NEB: variants seen among roughly 807,000 people sequenced by gnomAD.
The protein encoded by NEB is nebulin.
Under a neutral mutation model 952.2 loss-of-function variants are expected in NEB, and 512 were observed. The ratio of observed to expected loss-of-function variants is 0.54; its 90% CI spans 0.50 to 0.58. The LOEUF (loss-of-function observed/expected upper bound fraction) is 0.58, where lower values mean the gene tolerates loss of function less well. Ranked by LOEUF, NEB falls within the 20% of genes least tolerant of loss-of-function variation. The pLI is 0.00. For synonymous variants in NEB, 2,900 were observed against 3,149.8 expected, an observed-to-expected ratio of 0.92 and a Z score of 2.66; for missense variants, 8,428 against 9,231.1, an observed-to-expected ratio of 0.91 and a Z score of 3.56.
At chr2:151,529,772 C>T (rs1000145984) in intron 145 of NEB, among the ~76,000 whole-genome samples, 2 of 152,080 alleles carry the variant, frequency 1.3e-5, no homozygotes, top group African/African-American at 2.4e-5. Flanking sequence ...CAGGTGATCC[C>T]GCCCACCTCA....
chr2:151,616,486 TGAGAAGA>T (rs2098200139), intron 75 of NEB, among the ~76,000 whole-genome samples: 1 of 152,032 alleles, frequency 6.6e-6, no homozygotes, highest in Non-Finnish European at 1.5e-5. Flanking sequence ...GTCATGAGTT[TGAGAAGA>T]GACCAGCCTG....
chr2:151,581,953 T>C (rs2097115924), intron 102 of NEB, among the ~76,000 whole-genome samples: 1 of 150,310 alleles, frequency 6.7e-6, no homozygotes, highest in Admixed American at 6.6e-5. Flanking sequence ...TAATTTAAAA[T>C]GAGTCAGAAA....
At chr2:151,689,924 T>C (rs980593911) in intron 24 of NEB, 2 of 152,242 alleles carry the variant, frequency 1.3e-5, no homozygotes, top group African/African-American at 4.8e-5. Context: ...CATTAAAATA[T>C]ATTTTATAGT....
chr2:151,612,344 C>T lies in NEB; in HGVS notation c.11647G>A (p.Val3883Ile). The change falls in exon 78 of 182, where the codon GTT becomes ATT. Residue 3883 changes from valine to isoleucine, a missense_variant. Physicochemically the swap from Val to Ile is conservative, Grantham distance 29. This residue lies in a region of NEB where 337 missense variants were observed against 297.5 expected (regional missense o/e 1.13). Transcript: ENST00000397345. Reference sequence around the variant, plus strand: ...TCGACCTCTACAGAGCCAATGGGAACCCATCCTATGCCTCTCAGCCACTCA... The same window carrying T: ...TCGACCTCTACAGAGCCAATGGGAATCCATCCTATGCCTCTCAGCCACTCA... The part of the protein sequence containing the change: ...DLEWLRGIGW[V>I]PIGSVEVEKV... 6.2e-7 allele frequency: 1 copy of T among 1,613,860 alleles called. No homozygotes were observed. The highest frequency in any genetic ancestry group is 1.7e-4 in the Middle Eastern group (1 of 6,060).
At chr2:151,678,310 T>A in intron 32 of NEB, 123 bp from the exon 33 acceptor site, 1 of 612,560 alleles carries the variant, frequency 1.6e-6, no homozygotes, top group South Asian at 2.4e-5. Context: ...ACCAAACAAT[T>A]AACAATTCAC....
At chr2:151,626,050 A>C (rs191305748) in intron 70 of NEB, among the ~76,000 whole-genome samples, 1 of 151,794 alleles carries the variant, frequency 6.6e-6, no homozygotes, top group East Asian at 1.9e-4. Context: ...ATTAGCTGCA[A>C]ATGTACCTGT....
At chr2:151,540,539 G>T in intron 137 of NEB, 91 bp from the exon 138 acceptor site, 1 of 1,138,158 alleles carries the variant, frequency 8.8e-7, no homozygotes, top group Non-Finnish European at 1.3e-6. Context: ...GGGGCACAAT[G>T]TGTTACACAC....
At chr2:151,619,329 A>G (rs2098324529) in intron 73 of NEB, 122 bp downstream of exon 73, 2 of 1,120,314 alleles carry the variant, frequency 1.8e-6, no homozygotes, top group Non-Finnish European at 2.5e-6. Context: ...CTCCTTTCAG[A>G]CATTTAATTG....
intron 75 of NEB, 61 bp downstream of exon 75, chr2:151,617,303 A>T: frequency 8.7e-7 from 1 of 1,155,256 alleles, no homozygotes; most frequent in Non-Finnish European, 1.2e-6. Flanking sequence ...TTTCCTAAGG[A>T]AACAGCTACA....
At chr2:151,491,347 A>G (rs2056492963) in intron 179 of NEB, 1 of 216,238 alleles carries the variant, frequency 4.6e-6, no homozygotes, top group South Asian at 7.3e-5. Context: ...GGAAGTTCCT[A>G]CAGGTCAAAT....
Position 151,620,802 on chromosome 2 carries a change from G to A in NEB, c.10560+117C>T, listed in dbSNP as rs2098400485. On this transcript the variant is annotated intron_variant, in intron 72 of 181. Transcript: ENST00000397345. ...CAAGTTATCTGTATCTCAACCCTCA[G>A]TATATTTGCCTATGCACTGAAGGGA... 1.1e-5 allele frequency: 8 copies of A among 708,762 alleles called. No individual in the cohort carries two copies. The South Asian group carries it at 1.5e-4, about 14-fold the overall frequency. 43.9% of individuals were successfully genotyped at this position (708,762 alleles called of 1,614,324 possible).
At position 151,692,808 on chromosome 2, in the gene NEB, A is replaced by G. The variant is rs12997859; in HGVS notation, c.1897-446T>C. ...AATGTGGTAAAACCCCGTCTCTACT[A>G]AAAATACAAAAATTAGCCGGGCGTG... is the stretch of plus-strand genomic sequence containing the variant. On this transcript the variant is annotated intron_variant, in intron 20 of 181. Transcript: ENST00000397345. 4.3e-3 allele frequency among the ~76,000 whole-genome samples: 653 copies of G among 152,214 alleles called. 5 individuals are homozygous for G. Among genetic ancestry groups the G allele is most frequent in the Middle Eastern group, 0.02 (6 of 294 alleles).
rs1215454458 is a variant in NEB at position 151,663,536 on chromosome 2, G to T, written c.5763+12C>A. On this transcript the variant is annotated intron_variant, in intron 45 of 181. Transcript: ENST00000397345. ...CCAGAGTAAACGCTCTGCAAATGTGGTTTTCACGTACATCACTTTGAATCT... is the reference window on the plus strand; with the variant it reads ...CCAGAGTAAACGCTCTGCAAATGTGTTTTTCACGTACATCACTTTGAATCT... The T allele has an allele frequency of 6.3e-7, 1 of 1,597,584 alleles. No homozygotes were observed. Among genetic ancestry groups the T allele is most frequent in the Non-Finnish European group, 8.6e-7 (1 of 1,168,392 alleles).
intron 112 of NEB, 52 bp downstream of exon 112, chr2:151,568,264 T>C: frequency 1.9e-6 from 3 of 1,595,048 alleles, no homozygotes; most frequent in Non-Finnish European, 2.6e-6. Context: ...TACAGTTCCA[T>C]TAAGGCCCTC....
intron 64 of NEB, 77 bp from the exon 65 acceptor site, chr2:151,634,042 T>G (rs2098713904): frequency 4.1e-6 from 6 of 1,460,488 alleles, no homozygotes; most frequent in Non-Finnish European, 5.6e-6. Context: ...TCAACTTGCT[T>G]ACATCATACT....
chr2:151,717,961 C>G, intron 9 of NEB, among the ~76,000 whole-genome samples: 1 of 150,954 alleles, frequency 6.6e-6, no homozygotes, highest in South Asian at 2.1e-4. Flanking sequence ...TCAGGCCATT[C>G]TCCTGCCTCA....
At chr2:151,501,160 A>AGAT (rs1240934980) in intron 168 of NEB, among the ~76,000 whole-genome samples, 9 of 152,230 alleles carry the variant, frequency 5.9e-5, no homozygotes, top group South Asian at 2.1e-4. Context: ...AACAACATAA[A>AGAT]GATGAAAAGA....
chr2:151,659,181 A>C lies in NEB; in HGVS notation c.5971-12T>G, dbSNP rs2099118923. ...TGTTTGTAGAGATGCTAGGAAAAAA[A>C]CAGTGTAAATTAGTGTTTAAAATCT... On this transcript the variant is annotated splice_polypyrimidine_tract_variant and intron_variant, in intron 46 of 181. Transcript: ENST00000397345. The C allele has an allele frequency of 6.4e-7, 1 of 1,571,956 alleles. No individual in the cohort carries two copies. Among genetic ancestry groups the C allele is most frequent in the African/African-American group, 1.4e-5 (1 of 74,044 alleles).
rs186676110 is a variant in NEB at position 151,498,228 on chromosome 2, G to A, written c.24207+32C>T. The A allele has an allele frequency of 1.4e-4, 211 of 1,550,242 alleles. 1 individual carries two copies. Among genetic ancestry groups the A allele is most frequent in the Non-Finnish European group, 1.9e-5 (22 of 1,145,794 alleles). On this transcript the variant is annotated intron_variant, in intron 170 of 181. Coordinates refer to ENST00000397345, the MANE Select transcript of NEB (RefSeq NM_001164508.2). ...AAGATCAGTTTAATTCTGAAGTTAA[G>A]TGGCATTTTTTCCCCTTTCTTTCCA...
Sources: allele counts gnomAD v4.1 joint callset (sites outside exome capture counted in the v4.1 genomes callset), GRCh38; gene constraint gnomAD v4.1.1; regional missense constraint gnomAD v4.1.1; transcripts MANE v1.5; gene names NCBI Gene and HGNC (gene_info 2026-07-23, HGNC 2026-07-21).